The following LRRC4C variants were observed in gnomAD, a reference collection of about 807,000 sequenced individuals.
LRRC4C encodes leucine rich repeat containing 4C, also known as leucine-rich repeat-containing protein 4C.
LRRC4C carries 5 observed loss-of-function variants against 33.6 expected under a neutral mutation model. The observed-to-expected ratio is 0.15, with a 90% confidence interval of 0.08 to 0.31. LRRC4C has a LOEUF of 0.31. Among genes scored for constraint, LRRC4C ranks in the 10% least tolerant of loss-of-function variants. LRRC4C has a pLI of 1.00. For missense variants in LRRC4C, 560 were observed against 796.7 expected, an observed-to-expected ratio of 0.70 and a Z score of 3.58; for synonymous variants, 329 against 302.0, an observed-to-expected ratio of 1.09 and a Z score of -0.93.
intron 5 of LRRC4C, among the ~76,000 whole-genome samples, chr11:40,232,946 G>A (rs1865307257): frequency 6.6e-6 from 1 of 152,152 alleles, no homozygotes; most frequent in African/African-American, 2.4e-5. Context: ...CCGTTGGCTT[G>A]CCATTTTCTA....
At chr11:40,815,282 T>C (rs1951661036) in intron 2 of LRRC4C, among the ~76,000 whole-genome samples, 1 of 152,124 alleles carries the variant, frequency 6.6e-6, no homozygotes, top group African/African-American at 2.4e-5. Flanking sequence ...TTGTGAGACT[T>C]ATTCACTATC....
intron 3 of LRRC4C, among the ~76,000 whole-genome samples, chr11:40,549,080 C>T (rs983187094): frequency 1.3e-5 from 2 of 152,092 alleles, no homozygotes; most frequent in African/African-American, 4.8e-5. Flanking sequence ...ATATCTATGG[C>T]TAAATGGCTA....
At chr11:40,848,696 C>T (rs886827579) in intron 2 of LRRC4C, among the ~76,000 whole-genome samples, 1 of 152,080 alleles carries the variant, frequency 6.6e-6, no homozygotes, top group African/African-American at 2.4e-5. Context: ...TCCTGGATAT[C>T]CTTGTTAACC....
chr11:41,014,785 G>A (rs752199166), intron 1 of LRRC4C, among the ~76,000 whole-genome samples: 2 of 152,058 alleles, frequency 1.3e-5, no homozygotes, highest in African/African-American at 2.4e-5. Flanking sequence ...CAGTCTCCTC[G>A]GTGGGACTTT....
intron 3 of LRRC4C, among the ~76,000 whole-genome samples, chr11:40,601,164 T>G (rs888438244): frequency 6.6e-6 from 1 of 152,234 alleles, no homozygotes; most frequent in African/African-American, 2.4e-5. Context: ...CTTCTGCTTC[T>G]CACCAAGTAT....
intron 1 of LRRC4C, among the ~76,000 whole-genome samples, chr11:41,369,804 C>T (rs1405503099): frequency 6.6e-6 from 1 of 152,082 alleles, no homozygotes; most frequent in Non-Finnish European, 1.5e-5. Flanking sequence ...AGGAGAATGG[C>T]ATAATTTCAT....
chr11:41,384,216 C>T (rs1366686969), intron 1 of LRRC4C, among the ~76,000 whole-genome samples: 1 of 151,882 alleles, frequency 6.6e-6, no homozygotes, highest in Non-Finnish European at 1.5e-5. Context: ...TTCAACTTTT[C>T]TGTAGTACTT....
intron 6 of LRRC4C, among the ~76,000 whole-genome samples, chr11:40,124,327 T>C (rs955557555): frequency 1.3e-5 from 2 of 152,128 alleles, no homozygotes; most frequent in South Asian, 2.1e-4. Context: ...AAAAAGGAAA[T>C]CAATATATGG....
intron 3 of LRRC4C, among the ~76,000 whole-genome samples, chr11:40,501,267 T>C (rs1158962035): frequency 1.3e-5 from 2 of 152,138 alleles, no homozygotes; most frequent in East Asian, 3.9e-4. Context: ...AGGCACACAA[T>C]GCAACCTGTC....
At chr11:40,796,462 T>A (rs1201929048) in intron 2 of LRRC4C, among the ~76,000 whole-genome samples, 1 of 152,038 alleles carries the variant, frequency 6.6e-6, no homozygotes, top group East Asian at 1.9e-4. Flanking sequence ...TTAGCCAGAT[T>A]CTGAAAGACA....
At chr11:41,399,111 G>C (rs1392238647) in intron 1 of LRRC4C, among the ~76,000 whole-genome samples, 3 of 151,948 alleles carry the variant, frequency 2.0e-5, no homozygotes, top group Admixed American at 2.0e-4. Context: ...CACTAGTTTT[G>C]TGTCCATATG....
At chr11:40,635,177 C>G (rs1565583229) in intron 3 of LRRC4C, among the ~76,000 whole-genome samples, 1 of 152,178 alleles carries the variant, frequency 6.6e-6, no homozygotes, top group African/African-American at 2.4e-5. Flanking sequence ...TTTACCAGCC[C>G]TTTCTTATGC....
chr11:40,357,876 T>C (rs1947745038), intron 3 of LRRC4C, among the ~76,000 whole-genome samples: 1 of 152,092 alleles, frequency 6.6e-6, no homozygotes, highest in South Asian at 2.1e-4. Flanking sequence ...TTAAGTCCAG[T>C]CTTCCTATTT....
chr11:41,054,707 A>G (rs1858489364), intron 1 of LRRC4C, among the ~76,000 whole-genome samples: 3 of 152,140 alleles, frequency 2.0e-5, no homozygotes, highest in Admixed American at 2.0e-4. Context: ...TTAGTCATTT[A>G]TTTTGTGCCA....
At chr11:40,697,252 T>C (rs1434959219) in intron 2 of LRRC4C, among the ~76,000 whole-genome samples, 1 of 152,110 alleles carries the variant, frequency 6.6e-6, no homozygotes, top group Non-Finnish European at 1.5e-5. Context: ...GTAAAACATC[T>C]GAAAAAGTGT....
At chr11:40,842,562 A>G (rs1952958974) in intron 2 of LRRC4C, among the ~76,000 whole-genome samples, 2 of 152,020 alleles carry the variant, frequency 1.3e-5, no homozygotes, top group Admixed American at 1.3e-4. Context: ...GGTAAAATCT[A>G]CTCTTTTAGC....
At chr11:40,772,450 C>A (rs146961599) in intron 2 of LRRC4C, among the ~76,000 whole-genome samples, 1 of 152,088 alleles carries the variant, frequency 6.6e-6, no homozygotes, top group African/African-American at 2.4e-5. Flanking sequence ...TACCACCTGA[C>A]AACAGAGTAA....
chr11:41,182,683 C>T (rs542935698), intron 1 of LRRC4C, among the ~76,000 whole-genome samples: 1 of 151,762 alleles, frequency 6.6e-6, no homozygotes, highest in South Asian at 2.1e-4. Context: ...ATTTTTAATA[C>T]CTCAAAAAAT....
intron 2 of LRRC4C, among the ~76,000 whole-genome samples, chr11:40,822,013 G>A (rs1313020933): frequency 1.3e-5 from 2 of 151,688 alleles, no homozygotes; most frequent in South Asian, 2.1e-4. Flanking sequence ...TTATGTTGGA[G>A]ATATTTTAAA....
Sources: gnomAD v4.1 joint callset for allele counts (sites outside exome capture counted in the v4.1 genomes callset) on GRCh38, gnomAD v4.1.1 for gene constraint, MANE v1.5 for transcripts, NCBI Gene and HGNC (gene_info 2026-07-23, HGNC 2026-07-21) for gene names.